The following TATDN3 variants were observed in gnomAD, a reference collection of about 807,000 sequenced individuals.
TATDN3 encodes TatD DNase domain containing 3.
In TATDN3, 29 loss-of-function variants were observed where a neutral mutation model predicts 40.1. The ratio of observed to expected loss-of-function variants is 0.72; its 90% confidence interval spans 0.54 to 0.99. The LOEUF (loss-of-function observed/expected upper bound fraction) is 0.99. TATDN3 is among the 50% of genes least tolerant of loss of function. The pLI, the probability that TATDN3 is intolerant of heterozygous loss-of-function variation, is 0.00. For synonymous variants in TATDN3, 105 were observed against 117.0 expected, an observed-to-expected ratio of 0.90 and a Z score of 0.66; for missense variants, 309 against 321.9, an observed-to-expected ratio of 0.96 and a Z score of 0.31.
At chr1:212,796,739 CTTT>C in intron 3 of TATDN3, 149 bp downstream of exon 3, 1 of 505,276 alleles carries the variant, frequency 2.0e-6, no homozygotes, top group Non-Finnish European at 3.3e-6. Flanking sequence ...CTACTTATTC[CTTT>C]TTTTTTTCTT....
chr1:212,810,113 C>T (rs1341497645), intron 8 of TATDN3, among the ~76,000 whole-genome samples: 1 of 152,120 alleles, frequency 6.6e-6, no homozygotes, highest in African/African-American at 2.4e-5. Context: ...TCTGTGACCT[C>T]AGCACTTTGG....
At chr1:212,810,709 T>C (rs554025640) in intron 8 of TATDN3, among the ~76,000 whole-genome samples, 22 of 151,912 alleles carry the variant, frequency 1.4e-4, no homozygotes, top group African/African-American at 5.1e-4. Context: ...AACCCTTAGA[T>C]TTATAAACAT....
intron 4 of TATDN3, among the ~76,000 whole-genome samples, chr1:212,799,083 C>T (rs1558078282): frequency 6.6e-6 from 1 of 152,048 alleles, no homozygotes; most frequent in Non-Finnish European, 1.5e-5. Context: ...GCACAAAGGT[C>T]CCAAGGTAGG....
Position 212,797,203 on chromosome 1 carries a change from G to A in TATDN3, c.258+7G>A, listed in dbSNP as rs752340317. On this transcript the variant is annotated splice_region_variant and intron_variant, in intron 4 of 9. Transcript: ENST00000366974. The stretch of plus-strand genomic sequence containing the variant: ...AAGAAGTGTCACACTAAAGGTAACA[G>A]TCATACAAAACAGGAACCATTAAAA... 4 of 1,609,302 alleles carry A rather than the reference G, an allele frequency of 2.5e-6. No individual in the cohort carries two copies. Among genetic ancestry groups the A allele is most frequent in the Non-Finnish European group, 3.4e-6 (4 of 1,175,788 alleles).
intron 8 of TATDN3, among the ~76,000 whole-genome samples, chr1:212,808,141 C>T (rs1412488709): frequency 1.3e-5 from 2 of 151,856 alleles, no homozygotes; most frequent in Non-Finnish European, 2.9e-5. Flanking sequence ...GGTGAAACCC[C>T]GTCCCTACTA....
intron 7 of TATDN3, among the ~76,000 whole-genome samples, chr1:212,807,101 G>T (rs761778949): frequency 6.6e-6 from 1 of 151,070 alleles, no homozygotes; most frequent in African/African-American, 2.4e-5. Flanking sequence ...CTGCCACTAC[G>T]CCCAGCTAAT....
intron 1 of TATDN3, among the ~76,000 whole-genome samples, chr1:212,793,697 C>T (rs1661515582): frequency 6.6e-6 from 1 of 152,056 alleles, no homozygotes; most frequent in Non-Finnish European, 1.5e-5. Flanking sequence ...GAGAGAGAAT[C>T]CACAGTAAGT....
chr1:212,800,585 T>C (rs1662108551), intron 4 of TATDN3, among the ~76,000 whole-genome samples: 1 of 152,176 alleles, frequency 6.6e-6, no homozygotes, highest in African/African-American at 2.4e-5. Context: ...AAACATTTTC[T>C]ATAATAAAAA....
chr1:212,806,781 T>C (rs367550789), intron 7 of TATDN3, among the ~76,000 whole-genome samples: 1,631 of 94,384 alleles, frequency 0.017, 242 homozygotes, highest in African/African-American at 0.039. Flanking sequence ...TATATATATA[T>C]ATACACACAC....
Position 212,791,928 on chromosome 1 carries a change from G to A in TATDN3, c.7G>A (p.Ala3Thr). MR[A>T]AGVGLVDCHC... ...CGGCAGCCGCCGGGGCGCAATGCGAGCGGCTGGCGTAGGCTTGGTGGACTG... is the reference window on the plus strand; with the variant it reads ...CGGCAGCCGCCGGGGCGCAATGCGAACGGCTGGCGTAGGCTTGGTGGACTG... The change falls in exon 1 of 10, where the codon GCG becomes ACG. Residue 3 changes from alanine (A) to threonine (T), a missense_variant. Physicochemically the swap from Ala to Thr is moderately conservative, Grantham distance 58 (BLOSUM62 0). Transcript: ENST00000366974. 1 of 1,613,360 alleles carries A rather than the reference G, an allele frequency of 6.2e-7. No homozygotes were observed. The highest frequency in any genetic ancestry group is 8.5e-7 in the Non-Finnish European group (1 of 1,179,820).
At chr1:212,807,969 C>T (rs749986957) in intron 8 of TATDN3, 121 bp downstream of exon 8, 85 of 605,210 alleles carry the variant, frequency 1.4e-4, no homozygotes, top group Non-Finnish European at 2.5e-5. Flanking sequence ...AGGTCTCTAC[C>T]TCACATATAT....
chr1:212,795,412 A>C (rs968398456), intron 2 of TATDN3, among the ~76,000 whole-genome samples: 11 of 151,998 alleles, frequency 7.2e-5, no homozygotes, highest in Non-Finnish European at 1.5e-5. Flanking sequence ...CTGGGACTAT[A>C]GGCACACGTC....
At chr1:212,809,212 G>A (rs1662716095) in intron 8 of TATDN3, among the ~76,000 whole-genome samples, 1 of 152,180 alleles carries the variant, frequency 6.6e-6, no homozygotes, top group South Asian at 2.1e-4. Context: ...CCAGAATTTT[G>A]AGGGGAAGGA....
Position 212,812,231 on chromosome 1 carries a change from T to C in TATDN3, c.601-17T>C. 6.5e-7 allele frequency: 1 copy of C among 1,530,574 alleles called. No individual in the cohort carries two copies. Among genetic ancestry groups the C allele is most frequent in the Non-Finnish European group, 8.8e-7 (1 of 1,133,626 alleles). 94.8% of individuals were successfully genotyped at this position (1,530,574 alleles called of 1,614,324 possible). On this transcript the variant is annotated splice_polypyrimidine_tract_variant and intron_variant, in intron 8 of 9. Coordinates refer to ENST00000366974, the MANE Select transcript of TATDN3 (RefSeq NM_001042552.3). ...TTTCTCATGTTTTAAACTTAGCTGC[T>C]TTCTCTTTTCTCTAAGAAGCAGAAA...
At chr1:212,811,167 T>C (rs1174134271) in intron 8 of TATDN3, among the ~76,000 whole-genome samples, 1 of 151,194 alleles carries the variant, frequency 6.6e-6, no homozygotes, top group Non-Finnish European at 1.5e-5. Context: ...ATTTTTTTTT[T>C]CCACTCTGGC....
chr1:212,792,359 C>G (rs918762399), intron 1 of TATDN3, among the ~76,000 whole-genome samples: 4 of 151,846 alleles, frequency 2.6e-5, no homozygotes, highest in Non-Finnish European at 5.9e-5. Flanking sequence ...AGAGGTCGGG[C>G]GCGGGCTCAC....
chr1:212,812,162 T>A, intron 8 of TATDN3, 86 bp from the exon 9 acceptor site: 1 of 849,654 alleles, frequency 1.2e-6, no homozygotes, highest in South Asian at 1.8e-5. Context: ...TATTGCAGAA[T>A]AAAATGCATT....
chr1:212,808,354 C>G (rs1451849692), intron 8 of TATDN3, among the ~76,000 whole-genome samples: 3 of 150,974 alleles, frequency 2.0e-5, no homozygotes, highest in Non-Finnish European at 4.4e-5. Context: ...GGAAAACAGG[C>G]CTTAATTTGT....
At chr1:212,810,511 CAAAAAAAA>C (rs55912631) in intron 8 of TATDN3, among the ~76,000 whole-genome samples, 18 of 49,720 alleles carry the variant, frequency 3.6e-4, no homozygotes, top group African/African-American at 1.0e-3. Flanking sequence ...GACTCTGTCT[CAAAAAAAA>C]AAAAAAAAAA....
Sources: gnomAD v4.1 joint callset for allele counts (sites outside exome capture counted in the v4.1 genomes callset) on GRCh38, gnomAD v4.1.1 for gene constraint, MANE v1.5 for transcripts, NCBI Gene and HGNC (gene_info 2026-07-23, HGNC 2026-07-21) for gene names.